Variants in PDE4B observed in about 807,000 individuals in gnomAD.
PDE4B encodes the protein phosphodiesterase 4B.
PDE4B carries 20 observed loss-of-function variants against 82.2 expected under a neutral mutation model. That is an observed-to-expected ratio of 0.24 (90% CI 0.17 to 0.35). The LOEUF (loss-of-function observed/expected upper bound fraction) is 0.35. Ranked by LOEUF, PDE4B falls within the 10% of genes least tolerant of loss-of-function variation. The probability of loss-of-function intolerance (pLI) is 1.00; values close to 1 mark genes in which losing one functional copy is unlikely to be tolerated. For missense variants in PDE4B, 655 were observed against 907.2 expected (o/e 0.72, Z 3.57); for synonymous variants, 320 against 318.9 (o/e 1.00, Z -0.04).
At chr1:66,280,484 C>G (rs1656215723) in intron 7 of PDE4B, among the ~76,000 whole-genome samples, 1 of 152,192 alleles carries the variant, frequency 6.6e-6, no homozygotes, top group African/African-American at 2.4e-5. Context: ...CCAGAAATAT[C>G]TCAGGGGAGG....
chr1:66,293,406 ATTCCT>A (rs1657258089), intron 7 of PDE4B, among the ~76,000 whole-genome samples: 16 of 152,254 alleles, frequency 1.1e-4, no homozygotes, highest in South Asian at 2.1e-4. Flanking sequence ...TTTTTGGCTC[ATTCCT>A]TTCCTTTATG....
At chr1:65,973,487 G>A (rs1246292087) in intron 3 of PDE4B, among the ~76,000 whole-genome samples, 1 of 152,116 alleles carries the variant, frequency 6.6e-6, no homozygotes, top group African/African-American at 2.4e-5. Flanking sequence ...TGTACAATGG[G>A]AGATGAAAGT....
intron 2 of PDE4B, among the ~76,000 whole-genome samples, chr1:65,918,066 A>C (rs1304563982): frequency 6.6e-6 from 1 of 152,212 alleles, no homozygotes; most frequent in African/African-American, 2.4e-5. Flanking sequence ...TGGGAGGCTG[A>C]GGCAGGAGAA....
intron 3 of PDE4B, among the ~76,000 whole-genome samples, chr1:66,101,798 T>A (rs562606555): frequency 6.6e-6 from 1 of 152,152 alleles, no homozygotes; most frequent in South Asian, 2.1e-4. Context: ...TTCACTCTGA[T>A]GGTAGTTTCT....
At chr1:66,186,686 A>G (rs7523806) in intron 3 of PDE4B, among the ~76,000 whole-genome samples, 75,869 of 151,714 alleles carry the variant, frequency 0.5, 19,545 homozygotes, top group South Asian at 0.63. Flanking sequence ...TCGATTTTGT[A>G]TCCTCAGACT....
chr1:65,850,524 G>A (rs1646319697), intron 1 of PDE4B, among the ~76,000 whole-genome samples: 1 of 152,136 alleles, frequency 6.6e-6, no homozygotes, highest in Non-Finnish European at 1.5e-5. Flanking sequence ...TGATGGTGAA[G>A]GATGTGGATA....
intron 3 of PDE4B, among the ~76,000 whole-genome samples, chr1:65,962,544 G>A (rs1226906948): frequency 2.6e-5 from 4 of 152,164 alleles, no homozygotes; most frequent in Admixed American, 6.5e-5. Context: ...ACTGTTGCTA[G>A]TCCATGAAGG....
chr1:66,284,446 A>G (rs1254323219), intron 7 of PDE4B, among the ~76,000 whole-genome samples: 1 of 152,174 alleles, frequency 6.6e-6, no homozygotes, highest in African/African-American at 2.4e-5. Context: ...AATAGATAGT[A>G]TTTCATAAGG....
intron 1 of PDE4B, among the ~76,000 whole-genome samples, chr1:65,896,006 T>C (rs1646906456): frequency 6.6e-6 from 1 of 150,700 alleles, no homozygotes; most frequent in South Asian, 2.1e-4. Context: ...AAGAAGTGAA[T>C]AGGAAGATTT....
intron 3 of PDE4B, among the ~76,000 whole-genome samples, chr1:66,038,855 A>G (rs938304422): frequency 6.6e-6 from 1 of 152,108 alleles, no homozygotes; most frequent in African/African-American, 2.4e-5. Context: ...AGATAGCTTA[A>G]TGTCCACGTG....
intron 1 of PDE4B, among the ~76,000 whole-genome samples, chr1:65,824,655 A>G (rs1645994127): frequency 6.7e-6 from 1 of 150,106 alleles, no homozygotes; most frequent in Admixed American, 6.7e-5. Flanking sequence ...ACAAATATAT[A>G]CATACATATA....
chr1:66,277,163 G>C (rs955848203), intron 7 of PDE4B, among the ~76,000 whole-genome samples: 1 of 146,758 alleles, frequency 6.8e-6, no homozygotes, highest in East Asian at 2.1e-4. Flanking sequence ...GGTCCTGAGA[G>C]AGTAACCAAC....
At chr1:66,155,579 C>G (rs763946056) in intron 3 of PDE4B, among the ~76,000 whole-genome samples, 15 of 151,354 alleles carry the variant, frequency 9.9e-5, no homozygotes, top group Admixed American at 2.6e-4. Context: ...CATTTGTAAC[C>G]ACTAGATTAT....
intron 2 of PDE4B, among the ~76,000 whole-genome samples, chr1:65,915,701 C>T (rs980564709): frequency 2.6e-5 from 4 of 152,172 alleles, no homozygotes; most frequent in Non-Finnish European, 2.9e-5. Context: ...TCCCCTCCCC[C>T]TCCTCTCTGT....
chr1:66,271,398 G>C (rs1382248954), intron 7 of PDE4B, among the ~76,000 whole-genome samples: 3 of 152,114 alleles, frequency 2.0e-5, no homozygotes, highest in Non-Finnish European at 4.4e-5. Context: ...CCCTCCCCTT[G>C]AAAGTTGGAA....
intron 3 of PDE4B, among the ~76,000 whole-genome samples, chr1:66,209,995 A>G (rs1389509832): frequency 6.6e-6 from 1 of 152,110 alleles, no homozygotes; most frequent in Non-Finnish European, 1.5e-5. Context: ...TTCGTATCCC[A>G]GTTTTATTGG....
chr1:66,083,265 T>A (rs2100967582), intron 3 of PDE4B, among the ~76,000 whole-genome samples: 1 of 152,270 alleles, frequency 6.6e-6, no homozygotes, highest in Non-Finnish European at 1.5e-5. Flanking sequence ...TCTGAAGCTA[T>A]CTGCTAACTT....
intron 1 of PDE4B, among the ~76,000 whole-genome samples, chr1:65,863,021 G>T (rs888398702): frequency 3.3e-5 from 5 of 151,806 alleles, no homozygotes; most frequent in African/African-American, 1.2e-4. Flanking sequence ...TGATTTTTTG[G>T]AGGGTTTTTG....
intron 1 of PDE4B, among the ~76,000 whole-genome samples, chr1:65,819,534 C>T (rs1380639858): frequency 5.4e-5 from 8 of 149,338 alleles, no homozygotes; most frequent in African/African-American, 2.0e-4. Context: ...CAGAGTCTCG[C>T]TCTGTCGCCC....
Sources: gnomAD v4.1 joint callset for allele counts (sites outside exome capture counted in the v4.1 genomes callset) on GRCh38, gnomAD v4.1.1 for gene constraint, MANE v1.5 for transcripts, NCBI Gene and HGNC (gene_info 2026-07-23, HGNC 2026-07-21) for gene names.